The following PDLIM1 variants were observed in gnomAD, a reference collection of about 807,000 sequenced individuals.
PDLIM1 encodes the protein PDZ and LIM domain 1.
A neutral mutation model predicts 35.2 loss-of-function variants in PDLIM1; 25 were observed. The observed-to-expected ratio is 0.71, with a 90% CI of 0.52 to 0.99. The LOEUF (loss-of-function observed/expected upper bound fraction) is 0.99. Ranked by LOEUF, PDLIM1 falls within the 50% of genes least tolerant of loss-of-function variation. PDLIM1 has a pLI of 0.00. For synonymous variants in PDLIM1, 152 were observed against 154.0 expected (o/e 0.99, Z 0.10); for missense variants, 363 against 415.3 (o/e 0.87, Z 1.09).
intron 2 of PDLIM1, 23 bp downstream of exon 2, chr10:95,271,610 C>T: frequency 6.3e-7 from 1 of 1,578,648 alleles, no homozygotes; most frequent in Non-Finnish European, 8.6e-7. Context: ...CAGAAATGAA[C>T]AAAACGTTTC....
intron 4 of PDLIM1, among the ~76,000 whole-genome samples, chr10:95,255,180 A>G (rs1351660671): frequency 6.6e-6 from 1 of 152,082 alleles, no homozygotes; most frequent in Non-Finnish European, 1.5e-5. Flanking sequence ...CCAGAACCAG[A>G]TGGCTTCACT....
At chr10:95,265,586 A>C (rs2035407234) in intron 3 of PDLIM1, among the ~76,000 whole-genome samples, 1 of 114,480 alleles carries the variant, frequency 8.7e-6, no homozygotes, top group Non-Finnish European at 1.8e-5. Flanking sequence ...CGAGAGTGGA[A>C]CTCTGTCAAA....
chr10:95,279,149 C>T (rs922622043), intron 1 of PDLIM1, among the ~76,000 whole-genome samples: 5 of 152,166 alleles, frequency 3.3e-5, no homozygotes, highest in African/African-American at 1.2e-4. Context: ...CAATTCTGGG[C>T]CTAGATTCCC....
chr10:95,256,672 C>G (rs1448207924), intron 4 of PDLIM1, among the ~76,000 whole-genome samples: 1 of 151,946 alleles, frequency 6.6e-6, no homozygotes, highest in African/African-American at 2.4e-5. Context: ...TACCTAACAC[C>G]ACATAAAAAA....
At chr10:95,265,159 C>T (rs1464814985) in intron 3 of PDLIM1, among the ~76,000 whole-genome samples, 1 of 151,980 alleles carries the variant, frequency 6.6e-6, no homozygotes, top group Non-Finnish European at 1.5e-5. Context: ...ATCTGTTGCA[C>T]TTCCTTTTTT....
At chr10:95,289,029 C>T (rs929671386) in intron 1 of PDLIM1, among the ~76,000 whole-genome samples, 1 of 152,162 alleles carries the variant, frequency 6.6e-6, no homozygotes, top group Non-Finnish European at 1.5e-5. Context: ...GTTTTCCACC[C>T]CATTCCATCA....
intron 5 of PDLIM1, 85 bp downstream of exon 5, chr10:95,247,130 A>AGT: frequency 8.3e-7 from 1 of 1,202,610 alleles, no homozygotes; most frequent in Non-Finnish European, 1.2e-6. Flanking sequence ...CAGGCTCCAG[A>AGT]GTGTGTTCAC....
At chr10:95,255,719 G>A (rs747877210) in intron 4 of PDLIM1, among the ~76,000 whole-genome samples, 2 of 152,156 alleles carry the variant, frequency 1.3e-5, no homozygotes, top group Non-Finnish European at 2.9e-5. Flanking sequence ...AAGATCAGCA[G>A]CAAGGCAAGA....
intron 2 of PDLIM1, among the ~76,000 whole-genome samples, chr10:95,270,850 A>G (rs535146835): frequency 1.3e-5 from 2 of 152,022 alleles, no homozygotes; most frequent in South Asian, 4.2e-4. Context: ...TCCTGGGTTC[A>G]AGTGATTCTC....
At chr10:95,277,673 G>A (rs148479432) in intron 1 of PDLIM1, among the ~76,000 whole-genome samples, 310 of 143,368 alleles carry the variant, frequency 2.2e-3, no homozygotes, top group Middle Eastern at 3.5e-3. Flanking sequence ...AACAGTAAAC[G>A]GGTTTAGGCA....
rs2035147747 is a variant in PDLIM1 at position 95,238,685 on chromosome 10, C to G, written c.686G>C (p.Gly229Ala). ...LQEILESEEK[G>A]DPNKPSGFRS... ...GAATCCTGAGGGCTTGTTGGGATCC[C>G]CTGAAATGAGGAAAACACTGTCATT... Residue 229 changes from glycine to alanine, a missense_variant and splice_region_variant, in exon 6 of 7, where the codon GGG becomes GCG. By Grantham distance (60) the Gly-to-Ala change is moderately conservative (BLOSUM62 0). Transcript: ENST00000329399. The G allele has an allele frequency of 6.2e-7, 1 of 1,600,058 alleles. No homozygotes were observed. Among genetic ancestry groups the G allele is most frequent in the Non-Finnish European group, 8.6e-7 (1 of 1,167,436 alleles).
chr10:95,269,682 G>A lies in PDLIM1; in HGVS notation c.249-820C>T, dbSNP rs746533211. ...TTTAGTCTCAGTTTTCATTAGTGTC[G>A]TTGTTTCCTCTCTTGCAGGTAGAAA... On this transcript the variant is annotated intron_variant, in intron 2 of 6. Coordinates refer to ENST00000329399, the MANE Select transcript of PDLIM1 (RefSeq NM_020992.4). 3.0e-4 allele frequency among the ~76,000 whole-genome samples: 46 copies of A among 151,782 alleles called. No homozygotes were observed. The Middle Eastern group carries it at 0.017, about 57-fold the overall frequency.
At chr10:95,277,958 T>C (rs147220470) in intron 1 of PDLIM1, among the ~76,000 whole-genome samples, 1 of 152,338 alleles carries the variant, frequency 6.6e-6, no homozygotes, top group Non-Finnish European at 1.5e-5. Flanking sequence ...TACATTTAAA[T>C]AACTACATAC....
chr10:95,245,906 G>A (rs1038698096), intron 5 of PDLIM1, among the ~76,000 whole-genome samples: 2 of 152,100 alleles, frequency 1.3e-5, no homozygotes, highest in African/African-American at 2.4e-5. Flanking sequence ...CTGAATCTTC[G>A]GCTGCGGACT....
intron 3 of PDLIM1, among the ~76,000 whole-genome samples, chr10:95,267,559 G>T (rs529721436): frequency 7.2e-5 from 11 of 152,218 alleles, no homozygotes; most frequent in African/African-American, 1.7e-4. Flanking sequence ...GATGCAAAAT[G>T]ATCCTTAAAA....
At chr10:95,283,183 T>C (rs548294256) in intron 1 of PDLIM1, among the ~76,000 whole-genome samples, 92 of 152,346 alleles carry the variant, frequency 6.0e-4, no homozygotes, top group African/African-American at 2.1e-3. Context: ...GAACAATGCC[T>C]GGCACGTAAT....
At chr10:95,281,207 T>C (rs940068317) in intron 1 of PDLIM1, among the ~76,000 whole-genome samples, 69 of 151,620 alleles carry the variant, frequency 4.6e-4, no homozygotes, top group African/African-American at 1.3e-3. Flanking sequence ...TATACTCCTA[T>C]AAAATACATA....
intron 4 of PDLIM1, among the ~76,000 whole-genome samples, chr10:95,261,621 C>G (rs1421647000): frequency 2.0e-5 from 3 of 152,198 alleles, no homozygotes; most frequent in African/African-American, 7.2e-5. Context: ...GCCTTGGTTA[C>G]TATGATAAAT....
intron 1 of PDLIM1, among the ~76,000 whole-genome samples, 200 bp from the exon 2 acceptor site, chr10:95,271,984 C>T (rs1216626876): frequency 6.6e-6 from 1 of 152,144 alleles, no homozygotes; most frequent in African/African-American, 2.4e-5. Context: ...ATCCCTATAG[C>T]AACCTTATGA....
Sources: allele counts gnomAD v4.1 joint callset (sites outside exome capture counted in the v4.1 genomes callset), GRCh38; gene constraint gnomAD v4.1.1; transcripts MANE v1.5; gene names NCBI Gene and HGNC (gene_info 2026-07-23, HGNC 2026-07-21).